The following OPA3 variants were observed in gnomAD, a reference collection of about 807,000 sequenced individuals.
OPA3 encodes the protein outer mitochondrial membrane lipid metabolism regulator OPA3.
In OPA3, 6 loss-of-function variants were observed where a neutral mutation model predicts 4.0. The ratio of observed to expected loss-of-function variants is 1.51; its 90% CI spans 0.83 to 2.99. The LOEUF (loss-of-function observed/expected upper bound fraction) is 2.99. Among genes scored for constraint, OPA3 ranks in the 30% most tolerant of loss-of-function variants. The pLI, the probability that OPA3 is intolerant of heterozygous loss-of-function variation, is 0.00. For synonymous variants in OPA3, 105 were observed against 117.1 expected (o/e 0.90, Z 0.67); for missense variants, 235 against 256.2 (o/e 0.92, Z 0.56).
intron 1 of OPA3, among the ~76,000 whole-genome samples, chr19:45,529,854 C>A (rs977788625): frequency 6.6e-6 from 1 of 152,186 alleles, no homozygotes; most frequent in African/African-American, 2.4e-5. Flanking sequence ...CCGCCTCAGC[C>A]TCCAGAGTAG....
Position 45,549,728 on chromosome 19 carries a change from C to T in OPA3, c.*3786G>A, listed in dbSNP as rs1020324683. ...CTCCTAACATCATGTGATCAGTCCA[C>T]CTTGGCCTCTCAAAGTGCTGGGATG... On this transcript the variant is annotated 3_prime_UTR_variant, in exon 2 of 2. Coordinates refer to ENST00000263275, the MANE Select transcript of OPA3 (RefSeq NM_025136.4). 5.1e-6 allele frequency: 5 copies of T among 981,304 alleles called. No homozygotes were observed. Among genetic ancestry groups the T allele is most frequent in the Admixed American group, 1.2e-4 (2 of 16,242 alleles). The allele number at this position is 981,304 out of a possible 1,614,324, so 60.8% of individuals were successfully genotyped here.
intron 1 of OPA3, among the ~76,000 whole-genome samples, chr19:45,560,668 G>T (rs1388179401): frequency 1.3e-5 from 2 of 151,990 alleles, no homozygotes; most frequent in East Asian, 3.9e-4. Flanking sequence ...CATTTCTCAG[G>T]GCACCATTTC....
intron 1 of OPA3, among the ~76,000 whole-genome samples, chr19:45,533,599 T>C (rs909946326): frequency 5.9e-5 from 9 of 152,210 alleles, no homozygotes; most frequent in African/African-American, 2.2e-4. Flanking sequence ...ATCAGCCGGA[T>C]CCTAATCCAG....
intron 1 of OPA3, among the ~76,000 whole-genome samples, chr19:45,537,413 A>AAAC (rs1969133081): frequency 6.6e-6 from 1 of 150,604 alleles, no homozygotes; most frequent in Admixed American, 6.6e-5. Flanking sequence ...AAAAAAAAAA[A>AAAC]AAAAAAAAAC....
rs112445631 is a variant in OPA3, at chr19:45,537,701, C to T, written c.143-8245G>A. Reference sequence around the variant, plus strand: ...AGGCTGGAGTGCAGTGGTGCGATCTCGGCTCACTGCAACCTCTGCCCTCCG... The same window carrying T: ...AGGCTGGAGTGCAGTGGTGCGATCTTGGCTCACTGCAACCTCTGCCCTCCG... On this transcript the variant is annotated intron_variant, in intron 1 of 1. Coordinates refer to the OPA3 transcript ENST00000323060. Among the ~76,000 whole-genome samples the T allele has an allele frequency of 2.2e-3, 330 of 151,934 alleles. 1 individual carries two copies. The highest frequency in any genetic ancestry group is 3.7e-3 in the African/African-American group (153 of 41,436).
At chr19:45,563,634 T>A (rs1403049629) in intron 1 of OPA3, among the ~76,000 whole-genome samples, 1 of 151,350 alleles carries the variant, frequency 6.6e-6, no homozygotes, top group Middle Eastern at 3.2e-3. Context: ...TGGCTTACTG[T>A]GGCCTGGAAT....
intron 1 of OPA3, among the ~76,000 whole-genome samples, chr19:45,561,372 C>G (rs1376504847): frequency 1.3e-5 from 2 of 152,172 alleles, no homozygotes; most frequent in African/African-American, 4.8e-5. Flanking sequence ...AGCACCTCTT[C>G]CCCACTATTG....
At chr19:45,578,457 T>C (rs968121133) in intron 1 of OPA3, among the ~76,000 whole-genome samples, 6 of 123,464 alleles carry the variant, frequency 4.9e-5, no homozygotes, top group Non-Finnish European at 9.5e-5. Context: ...CATCTCTGAA[T>C]TCCTATGATT....
chr19:45,535,597 G>A (rs1039929600), intron 1 of OPA3, among the ~76,000 whole-genome samples: 4 of 151,806 alleles, frequency 2.6e-5, no homozygotes, highest in African/African-American at 7.3e-5. Flanking sequence ...GGGCTCAAGC[G>A]ATCCAACTGC....
chr19:45,570,648 C>T (rs1173066417), intron 1 of OPA3, among the ~76,000 whole-genome samples: 1 of 152,024 alleles, frequency 6.6e-6, no homozygotes, highest in Non-Finnish European at 1.5e-5. Flanking sequence ...GATTGAACCA[C>T]TGCACTACAG....
intron 1 of OPA3, among the ~76,000 whole-genome samples, chr19:45,572,458 T>TG: frequency 7.4e-6 from 1 of 135,282 alleles, no homozygotes; most frequent in African/African-American, 2.7e-5. Context: ...ATATGATATA[T>TG]ATCATATATC....
chr19:45,571,709 G>C (rs530759693), intron 1 of OPA3, among the ~76,000 whole-genome samples: 1 of 151,992 alleles, frequency 6.6e-6, no homozygotes, highest in Non-Finnish European at 1.5e-5. Flanking sequence ...CCTTCCCTAC[G>C]TCCACCAAAT....
rs1969312880 is a variant in OPA3, at chr19:45,550,269, G to A, written c.*3245C>T. 13 of 985,316 alleles carry A rather than the reference G, an allele frequency of 1.3e-5. No homozygotes were observed. Among genetic ancestry groups the A allele is most frequent in the South Asian group, 4.7e-5 (1 of 21,286 alleles). The allele number at this position is 985,316 out of a possible 1,614,324, so 61.0% of individuals were successfully genotyped here. ...TCCAGGCCAGTTTTACCTCTTTAGA[G>A]AAGGGAGGTGAGGATGGAAGTCGGG... On this transcript the variant is annotated 3_prime_UTR_variant, in exon 2 of 2. Transcript: ENST00000263275.
chr19:45,564,697 C>G (rs908344570), intron 1 of OPA3, among the ~76,000 whole-genome samples: 23 of 152,242 alleles, frequency 1.5e-4, no homozygotes, highest in African/African-American at 5.5e-4. Flanking sequence ...CCAGTGGCTC[C>G]CAGACCCCTG....
intron 1 of OPA3, among the ~76,000 whole-genome samples, chr19:45,572,531 T>A (rs11672603): frequency 7.9e-6 from 1 of 126,478 alleles, no homozygotes; most frequent in Non-Finnish European, 1.7e-5. Context: ...ATGAGATATA[T>A]ATATCATATG....
chr19:45,555,072 G>A (rs891094028), intron 1 of OPA3, among the ~76,000 whole-genome samples: 9 of 152,222 alleles, frequency 5.9e-5, no homozygotes, highest in Admixed American at 2.6e-4. Context: ...TTACAGCCAT[G>A]AGCCACCATG....
Position 45,553,613 on chromosome 19 carries a change from G to C in OPA3, c.441C>G (p.Gly147=), listed in dbSNP as rs1049255184. The C allele has an allele frequency of 2.5e-6, 4 of 1,608,954 alleles. No homozygotes were observed. The highest frequency in any genetic ancestry group is 1.7e-5 in the Admixed American group (1 of 59,874). ...GCTCTGTGCGCAGTTCCTCCAGGGC[G>C]CCCTGTGGCGGCGCCGCCTGCACCT... ...QAQVQAAPPQ[G]ALEELRTELQ... Residue 147 remains glycine (G), a synonymous_variant, in exon 2 of 2, where the codon GGC becomes GGG. Transcript: ENST00000263275.
intron 1 of OPA3, among the ~76,000 whole-genome samples, chr19:45,539,286 T>G (rs992885948): frequency 5.3e-5 from 8 of 151,996 alleles, no homozygotes; most frequent in Non-Finnish European, 7.4e-5. Context: ...TGGAAAGTAG[T>G]TTGGCAGTTT....
chr19:45,561,868 G>C (rs1969507948), intron 1 of OPA3, among the ~76,000 whole-genome samples: 1 of 151,924 alleles, frequency 6.6e-6, no homozygotes, highest in African/African-American at 2.4e-5. Context: ...TTGAACCCGG[G>C]AGGCAGAGGC....
Sources: allele counts gnomAD v4.1 joint callset (sites outside exome capture counted in the v4.1 genomes callset), GRCh38; gene constraint gnomAD v4.1.1; transcripts MANE v1.5; gene names NCBI Gene and HGNC (gene_info 2026-07-23, HGNC 2026-07-21).